The following NAAA variants were observed in gnomAD, a reference collection of about 807,000 sequenced individuals.
The protein encoded by NAAA is N-acylethanolamine acid amidase.
A neutral mutation model predicts 44.8 loss-of-function variants in NAAA; 39 were observed. The ratio of observed to expected loss-of-function variants is 0.87; its 90% CI spans 0.67 to 1.14. The LOEUF (loss-of-function observed/expected upper bound fraction) is 1.14. NAAA is among the 50% of genes most tolerant of loss of function. The probability of loss-of-function intolerance (pLI) is 0.00; values close to 1 mark genes in which losing one functional copy is unlikely to be tolerated. For synonymous variants in NAAA, 178 were observed against 191.3 expected (o/e 0.93, Z 0.58); for missense variants, 460 against 467.8 (o/e 0.98, Z 0.15).
At position 75,940,003 on chromosome 4, in the gene NAAA, G is replaced by A. The variant is rs754622786; in HGVS notation, c.369C>T (p.Ser123=). The A allele has an allele frequency of 7.4e-6, 12 of 1,613,556 alleles. No homozygotes were observed. Among genetic ancestry groups the A allele is most frequent in the Non-Finnish European group, 1.0e-5 (12 of 1,179,928 alleles). ...CCGCGCGGGCTTGGGGCACTCACAC[G>A]GAGGACTCGTAGGCCAGGTTGACCA... is the stretch of plus-strand genomic sequence containing the variant. ...CLLVNLAYES[S]VFCTSIVAQD... is the part of the protein sequence containing the mutation. Residue 123 remains serine (S), a splice_region_variant and synonymous_variant, in exon 2 of 11, where the codon TCC becomes TCT. Transcript: ENST00000286733.
intron 2 of NAAA, 66 bp downstream of exon 2, chr4:75,939,935 C>A (rs1487717687): frequency 5.1e-6 from 8 of 1,573,730 alleles, no homozygotes; most frequent in Middle Eastern, 2.0e-4. Flanking sequence ...TATGTCTCCT[C>A]CCGCTAGTCT....
At position 75,931,308 on chromosome 4, in the gene NAAA, A is replaced by G. The variant is rs757582183; in HGVS notation, c.499-4T>C. ...AAGTAGTTCCTGTGAATGCAATCTG[A>G]AATCAAGAGATAACATGGATCATTT... On this transcript the variant is annotated splice_polypyrimidine_tract_variant and splice_region_variant and intron_variant, in intron 3 of 10. Transcript: ENST00000286733. 1 of 1,599,778 alleles carries G rather than the reference A, an allele frequency of 6.3e-7. No individual in the cohort carries two copies. Among genetic ancestry groups the G allele is most frequent in the Non-Finnish European group, 8.6e-7 (1 of 1,167,642 alleles).
Position 75,925,721 on chromosome 4 carries a change from T to C in NAAA, c.666+14A>G. On this transcript the variant is annotated intron_variant, in intron 5 of 10. Transcript: ENST00000286733. ...AGGTGGAGTTAAGGAGGGCTCCACA[T>C]TAAATATACTCACAGCGCGGATCAG... 6.2e-7 allele frequency: 1 copy of C among 1,613,814 alleles called. No homozygotes were observed. The highest frequency in any genetic ancestry group is 8.5e-7 in the Non-Finnish European group (1 of 1,179,688).
chr4:75,920,444 A>T (rs749690599), intron 7 of NAAA, among the ~76,000 whole-genome samples: 39 of 152,164 alleles, frequency 2.6e-4, no homozygotes, highest in Non-Finnish European at 5.1e-4. Context: ...CATTTTACAG[A>T]CTGGTAAACA....
chr4:75,934,253 T>C (rs1273824723), intron 3 of NAAA, among the ~76,000 whole-genome samples: 1 of 151,684 alleles, frequency 6.6e-6, no homozygotes, highest in African/African-American at 2.4e-5. Flanking sequence ...AAGATTAAAA[T>C]GTTGACTTAT....
At chr4:75,937,629 G>A (rs1241787997) in intron 2 of NAAA, among the ~76,000 whole-genome samples, 1 of 152,164 alleles carries the variant, frequency 6.6e-6, no homozygotes, top group Non-Finnish European at 1.5e-5. Context: ...GGGACCACAG[G>A]CGCAAGCCTC....
At chr4:75,931,144 G>T in intron 4 of NAAA, 70 bp downstream of exon 4, 2 of 1,256,494 alleles carry the variant, frequency 1.6e-6, no homozygotes, top group Non-Finnish European at 2.3e-6. Flanking sequence ...TGTTGGGTGA[G>T]TGAAGGAAGT....
At chr4:75,925,947 CAAT>C (rs1288044136) in intron 4 of NAAA, 136 bp from the exon 5 acceptor site, 10 of 763,316 alleles carry the variant, frequency 1.3e-5, no homozygotes, top group Non-Finnish European at 2.0e-5. Flanking sequence ...TACCAGGATA[CAAT>C]GATAGTTATG....
intron 4 of NAAA, among the ~76,000 whole-genome samples, chr4:75,928,937 G>A (rs905049632): frequency 2.0e-4 from 30 of 149,538 alleles, no homozygotes; most frequent in Admixed American, 1.7e-3. Context: ...ACAGGCACCC[G>A]CCACCACGCC....
intron 8 of NAAA, among the ~76,000 whole-genome samples, chr4:75,919,182 T>C (rs113787092): frequency 0.085 from 12,917 of 152,002 alleles, 950 homozygotes; most frequent in African/African-American, 0.2. Context: ...GTTGGGATTA[T>C]AGGCACACAC....
At chr4:75,916,553 A>C (rs1725641029) in intron 9 of NAAA, 2 of 152,166 alleles carry the variant, frequency 1.3e-5, no homozygotes, top group Non-Finnish European at 2.9e-5. Context: ...AAATAATCTG[A>C]AAGTAAGCAG....
chr4:75,926,082 G>C (rs1726658833), intron 4 of NAAA, among the ~76,000 whole-genome samples: 1 of 152,010 alleles, frequency 6.6e-6, no homozygotes, highest in Non-Finnish European at 1.5e-5. Context: ...CCTGTGATTT[G>C]TGCTCACATT....
intron 9 of NAAA, among the ~76,000 whole-genome samples, chr4:75,916,219 C>CT (rs1428578189): frequency 5.3e-5 from 8 of 152,126 alleles, no homozygotes; most frequent in Admixed American, 1.3e-4. Flanking sequence ...GTTCAGACTA[C>CT]TTTTTTGTTG....
chr4:75,919,062 G>C (rs984774251), intron 8 of NAAA, among the ~76,000 whole-genome samples: 1 of 128,692 alleles, frequency 7.8e-6, no homozygotes, highest in Non-Finnish European at 1.7e-5. Flanking sequence ...CTTTTTTTTT[G>C]AGACAGTCTT....
chr4:75,940,326 C>T, intron 1 of NAAA, 161 bp from the exon 2 acceptor site: 1 of 705,816 alleles, frequency 1.4e-6, no homozygotes, highest in South Asian at 2.2e-5. Context: ...CAATCTGCAG[C>T]CTCCCGGGAG....
chr4:75,931,510 T>C (rs1032658582), intron 3 of NAAA, among the ~76,000 whole-genome samples: 5 of 152,140 alleles, frequency 3.3e-5, no homozygotes, highest in Non-Finnish European at 5.9e-5. Flanking sequence ...TTTTAGTAGA[T>C]TTGTGACCTT....
chr4:75,918,098 CCAGT>C (rs1379419987), intron 9 of NAAA, among the ~76,000 whole-genome samples: 1 of 152,202 alleles, frequency 6.6e-6, no homozygotes, highest in African/African-American at 2.4e-5. Flanking sequence ...AAGAGGTCAG[CCAGT>C]CAAAGTGTTT....
intron 8 of NAAA, 94 bp from the exon 9 acceptor site, chr4:75,918,883 C>T: frequency 2.4e-6 from 3 of 1,237,412 alleles, no homozygotes; most frequent in Admixed American, 1.7e-5. Flanking sequence ...TGGCTCAGGC[C>T]TGTAATCCCA....
At chr4:75,922,472 A>G (rs1361440478) in intron 5 of NAAA, among the ~76,000 whole-genome samples, 1 of 152,188 alleles carries the variant, frequency 6.6e-6, no homozygotes, top group Non-Finnish European at 1.5e-5. Flanking sequence ...TGTACCTGGA[A>G]GAAGGGAATG....
Sources: gnomAD v4.1 joint callset for allele counts (sites outside exome capture counted in the v4.1 genomes callset) on GRCh38, gnomAD v4.1.1 for gene constraint, MANE v1.5 for transcripts, NCBI Gene and HGNC (gene_info 2026-07-23, HGNC 2026-07-21) for gene names.